The following KIAA1328 variants were observed in gnomAD, a reference collection of about 807,000 sequenced individuals.
KIAA1328 encodes protein hinderin.
Under a neutral mutation model 68.1 loss-of-function variants are expected in KIAA1328, and 52 were observed. The observed-to-expected ratio is 0.76, with a 90% CI of 0.61 to 0.96. The LOEUF (loss-of-function observed/expected upper bound fraction) is 0.96. Ranked by LOEUF, KIAA1328 falls within the 40% of genes least tolerant of loss-of-function variation. The probability of loss-of-function intolerance (pLI) is 0.00; values close to 1 mark genes in which losing one functional copy is unlikely to be tolerated. For synonymous variants in KIAA1328, 232 were observed against 239.4 expected, an observed-to-expected ratio of 0.97 and a Z score of 0.28; for missense variants, 641 against 677.6, an observed-to-expected ratio of 0.95 and a Z score of 0.60.
intron 3 of KIAA1328, among the ~76,000 whole-genome samples, chr18:36,836,952 A>G (rs372292905): frequency 1.3e-5 from 2 of 152,124 alleles, no homozygotes; most frequent in Non-Finnish European, 2.9e-5. Context: ...TCTATTCTGT[A>G]TCATTACTTC....
intron 6 of KIAA1328, among the ~76,000 whole-genome samples, chr18:37,040,819 T>C (rs1487494884): frequency 6.6e-6 from 1 of 151,906 alleles, no homozygotes; most frequent in African/African-American, 2.4e-5. Flanking sequence ...TCCATGATTT[T>C]AGATGTATAT....
chr18:37,160,097 A>G (rs576192048), intron 7 of KIAA1328, 103 bp from the exon 8 acceptor site: 1 of 811,808 alleles, frequency 1.2e-6, no homozygotes, highest in East Asian at 2.9e-5. Flanking sequence ...AGATAAAGAG[A>G]GTTCTTAATG....
intron 5 of KIAA1328, among the ~76,000 whole-genome samples, chr18:36,893,989 A>G (rs1419296548): frequency 6.6e-6 from 1 of 152,130 alleles, no homozygotes; most frequent in African/African-American, 2.4e-5. Context: ...CTATTTACAG[A>G]GCACTTTCAC....
chr18:37,172,929 T>A, intron 8 of KIAA1328, 44 bp from the exon 9 acceptor site: 1 of 1,445,326 alleles, frequency 6.9e-7, no homozygotes, highest in Non-Finnish European at 9.6e-7. Context: ...TTTTCCATTT[T>A]CTTTTACTGA....
intron 6 of KIAA1328, among the ~76,000 whole-genome samples, chr18:37,059,753 G>A (rs1012446323): frequency 5.9e-5 from 9 of 152,100 alleles, no homozygotes; most frequent in African/African-American, 2.2e-4. Context: ...TGTTTATTGT[G>A]GCACTATTCA....
At chr18:37,226,849 C>A (rs1187611788), downstream of KIAA1328, among the ~76,000 whole-genome samples, 1 of 151,496 alleles carries the variant, frequency 6.6e-6, no homozygotes, top group African/African-American at 2.4e-5. Flanking sequence ...CTCACTGCAA[C>A]CTCCGCCTCC....
At chr18:37,086,769 T>C (rs948185710) in intron 7 of KIAA1328, among the ~76,000 whole-genome samples, 1 of 152,248 alleles carries the variant, frequency 6.6e-6, no homozygotes, top group Admixed American at 6.5e-5. Flanking sequence ...GTATTGCCAT[T>C]AAGAAGTGTG....
intron 8 of KIAA1328, among the ~76,000 whole-genome samples, chr18:37,166,842 T>A (rs1356372772): frequency 6.6e-6 from 1 of 151,980 alleles, no homozygotes; most frequent in Middle Eastern, 3.2e-3. Flanking sequence ...AGGCAAACAA[T>A]AGACACATCA....
At chr18:36,954,813 G>A (rs192031030) in intron 5 of KIAA1328, among the ~76,000 whole-genome samples, 3 of 151,590 alleles carry the variant, frequency 2.0e-5, no homozygotes, top group East Asian at 2.0e-4. Context: ...TCTTGCGACA[G>A]CCTCCTGAGT....
chr18:36,848,541 C>CTTTTTTTT (rs59271370), intron 4 of KIAA1328, among the ~76,000 whole-genome samples: 19 of 38,148 alleles, frequency 5.0e-4, no homozygotes, highest in African/African-American at 5.8e-4. Context: ...TCTATAGATG[C>CTTTTTTTT]TTTTTTTTTT....
chr18:37,210,847 A>G (rs888331220), intron 9 of KIAA1328, among the ~76,000 whole-genome samples: 1 of 152,134 alleles, frequency 6.6e-6, no homozygotes, highest in Non-Finnish European at 1.5e-5. Flanking sequence ...GTTGCTTCTT[A>G]ATTGCCAAAT....
intron 6 of KIAA1328, among the ~76,000 whole-genome samples, chr18:37,049,635 T>G (rs1004779093): frequency 6.6e-6 from 1 of 152,172 alleles, no homozygotes; most frequent in Non-Finnish European, 1.5e-5. Flanking sequence ...TCAGAAATGC[T>G]TCTCACTCAG....
chr18:36,914,250 T>C (rs1287759954), intron 5 of KIAA1328, among the ~76,000 whole-genome samples: 3 of 152,150 alleles, frequency 2.0e-5, no homozygotes, highest in Non-Finnish European at 4.4e-5. Context: ...TGCCATAGCA[T>C]ATAAACATGT....
At chr18:37,127,516 C>A (rs947317794) in intron 7 of KIAA1328, among the ~76,000 whole-genome samples, 3 of 152,010 alleles carry the variant, frequency 2.0e-5, no homozygotes, top group Non-Finnish European at 4.4e-5. Context: ...CAAGACCAAC[C>A]TGGGCAATGT....
chr18:37,062,304 A>G (rs1213566397), intron 6 of KIAA1328, among the ~76,000 whole-genome samples: 1 of 152,200 alleles, frequency 6.6e-6, no homozygotes, highest in African/African-American at 2.4e-5. Flanking sequence ...CACACCACAT[A>G]CAATGTTCTC....
intron 4 of KIAA1328, 87 bp from the exon 5 acceptor site, chr18:36,885,470 A>G (rs1314789937): frequency 1.4e-6 from 1 of 691,084 alleles, no homozygotes; most frequent in African/African-American, 1.9e-5. Context: ...TACCTTTGGA[A>G]GAAGTCTGGT....
rs1275336380 is a variant in KIAA1328 at position 36,977,965 on chromosome 18, G to A, written c.576+18530G>A. ...TCCCTGGCTAATTTTTGTAATTTTA[G>A]TAGAGGTTGGGTTTTGCCATGTTGC... On this transcript the variant is annotated intron_variant, in intron 6 of 9. Coordinates refer to ENST00000280020, the MANE Select transcript of KIAA1328 (RefSeq NM_020776.3). Among the ~76,000 whole-genome samples the A allele has an allele frequency of 2.6e-5, 4 of 151,990 alleles. No homozygotes were observed. In the East Asian group the frequency reaches 7.8e-4, roughly 29 times the overall value.
chr18:37,067,670 C>T (rs1416156728), intron 7 of KIAA1328, 125 bp downstream of exon 7: 3 of 995,710 alleles, frequency 3.0e-6, no homozygotes, highest in African/African-American at 1.6e-5. Flanking sequence ...AAGCAGTTCT[C>T]TGCCTCAGCC....
intron 6 of KIAA1328, among the ~76,000 whole-genome samples, chr18:36,989,029 A>G (rs1041379857): frequency 2.6e-5 from 4 of 152,186 alleles, no homozygotes; most frequent in African/African-American, 9.6e-5. Flanking sequence ...TATTGCTGTA[A>G]TTGATTTTAC....
Sources: gnomAD v4.1 joint callset for allele counts (sites outside exome capture counted in the v4.1 genomes callset) on GRCh38, gnomAD v4.1.1 for gene constraint, MANE v1.5 for transcripts, NCBI Gene and HGNC (gene_info 2026-07-23, HGNC 2026-07-21) for gene names.